TRHDE: variants seen among roughly 807,000 people sequenced by gnomAD.
The protein encoded by TRHDE is thyrotropin-releasing hormone-degrading ectoenzyme.
Under a neutral mutation model 125.7 loss-of-function variants are expected in TRHDE, and 72 were observed. The observed-to-expected ratio is 0.57, with a 90% confidence interval of 0.47 to 0.70. The LOEUF is 0.70. Ranked by LOEUF, TRHDE falls within the 30% of genes least tolerant of loss-of-function variation. The pLI is 0.00. For missense variants in TRHDE, 1,110 were observed against 1,327.1 expected (o/e 0.84, Z 2.54); for synonymous variants, 509 against 509.1 (o/e 1.00, Z 0.00).
intron 2 of TRHDE, among the ~76,000 whole-genome samples, chr12:72,186,950 A>G (rs1273250673): frequency 6.6e-6 from 1 of 152,088 alleles, no homozygotes; most frequent in African/African-American, 2.4e-5. Flanking sequence ...AGATGATAGA[A>G]ACTATCATGG....
intron 1 of TRHDE, among the ~76,000 whole-genome samples, chr12:72,105,183 G>A (rs1429680701): frequency 1.3e-5 from 2 of 152,188 alleles, no homozygotes; most frequent in African/African-American, 4.8e-5. Flanking sequence ...AGCAGTACAA[G>A]GAAGTACATG....
intron 15 of TRHDE, among the ~76,000 whole-genome samples, chr12:72,630,640 G>A (rs1053039363): frequency 1.9e-4 from 29 of 151,598 alleles, no homozygotes; most frequent in African/African-American, 6.8e-4. Context: ...GAATATCAGG[G>A]AGGTATTGCA....
At chr12:72,585,703 GA>G (rs1258091267) in intron 12 of TRHDE, among the ~76,000 whole-genome samples, 1 of 152,134 alleles carries the variant, frequency 6.6e-6, no homozygotes, top group Non-Finnish European at 1.5e-5. Context: ...TATTCTACCA[GA>G]AAAGAAAATG....
intron 3 of TRHDE, among the ~76,000 whole-genome samples, chr12:72,423,460 C>T (rs1874049043): frequency 6.6e-6 from 1 of 152,128 alleles, no homozygotes; most frequent in African/African-American, 2.4e-5. Context: ...TGTGGATTTT[C>T]TGATTCCCAC....
intron 10 of TRHDE, among the ~76,000 whole-genome samples, chr12:72,574,010 T>C (rs751112824): frequency 4.6e-5 from 7 of 152,044 alleles, no homozygotes; most frequent in Non-Finnish European, 7.4e-5. Context: ...TTACTGCAGA[T>C]TTAAAAAAAT....
At chr12:72,378,155 C>T (rs764113718) in intron 3 of TRHDE, 34 bp downstream of exon 3, 11 of 1,534,848 alleles carry the variant, frequency 7.2e-6, no homozygotes, top group South Asian at 5.3e-5. Flanking sequence ...ATTGGAAGGG[C>T]TCCTTGAAAG....
At chr12:72,261,196 A>G (rs1329127496) in intron 2 of TRHDE, among the ~76,000 whole-genome samples, 1 of 152,194 alleles carries the variant, frequency 6.6e-6, no homozygotes, top group East Asian at 1.9e-4. Context: ...TAAAGTGCTT[A>G]CCAGTTGTAT....
intron 1 of TRHDE, chr12:72,274,541 T>C (rs1426597039): frequency 6.6e-6 from 1 of 152,190 alleles, no homozygotes; most frequent in African/African-American, 2.4e-5. Flanking sequence ...CTACTTCTAG[T>C]GCTTATTGCA....
chr12:72,423,576 G>A (rs973023212), intron 3 of TRHDE, among the ~76,000 whole-genome samples: 4 of 152,140 alleles, frequency 2.6e-5, no homozygotes, highest in Admixed American at 2.6e-4. Context: ...TTTAATTCAT[G>A]GATTGTTGTA....
At chr12:72,338,966 C>T (rs12831103) in intron 2 of TRHDE, among the ~76,000 whole-genome samples, 1 of 151,982 alleles carries the variant, frequency 6.6e-6, no homozygotes, top group Non-Finnish European at 1.5e-5. Flanking sequence ...TAAAGTAAAC[C>T]AATTCAGTTT....
Position 72,208,718 on chromosome 12 carries a change from G to A in TRHDE, n.279+102966G>A, listed in dbSNP as rs746592934. 5.9e-5 allele frequency among the ~76,000 whole-genome samples: 9 copies of A among 152,090 alleles called. 1 individual carries two copies. Among genetic ancestry groups the A allele is most frequent in the South Asian group, 4.2e-4 (2 of 4,814 alleles). ...TATATGCAAAGTACTTATGAAGGGC[G>A]ATATACTTATTGACTGTTATTAATT... On this transcript the variant is annotated intron_variant and non_coding_transcript_variant, in intron 2 of 4. Transcript: ENST00000548156.
At chr12:72,371,782 A>G (rs1241879258) in intron 2 of TRHDE, among the ~76,000 whole-genome samples, 1 of 152,094 alleles carries the variant, frequency 6.6e-6, no homozygotes, top group Non-Finnish European at 1.5e-5. Context: ...TTCTTAATCC[A>G]ATCTATCATT....
rs1218483524 is a variant in TRHDE, at chr12:72,473,061, C to T, written c.1471-6C>T. On this transcript the variant is annotated splice_region_variant and splice_polypyrimidine_tract_variant and intron_variant, in intron 4 of 18. Coordinates refer to ENST00000261180, the MANE Select transcript of TRHDE (RefSeq NM_013381.3). ...TATTTGATGACCATTAATTTTGTTACTGCAGTGGTTTGGTGACCTTGTGAC... is the reference window on the plus strand; with the variant it reads ...TATTTGATGACCATTAATTTTGTTATTGCAGTGGTTTGGTGACCTTGTGAC... 3 of 1,608,354 alleles carry T rather than the reference C, an allele frequency of 1.9e-6. No homozygotes were observed. The highest frequency in any genetic ancestry group is 2.6e-6 in the Non-Finnish European group (3 of 1,175,334).
chr12:72,600,394 A>G (rs560000048), intron 12 of TRHDE, among the ~76,000 whole-genome samples: 2 of 152,076 alleles, frequency 1.3e-5, no homozygotes, highest in African/African-American at 4.8e-5. Flanking sequence ...TGAACATGGA[A>G]TGTTTTTCCA....
At chr12:72,159,229 T>C (rs1876582955) in intron 2 of TRHDE, among the ~76,000 whole-genome samples, 1 of 152,230 alleles carries the variant, frequency 6.6e-6, no homozygotes, top group Non-Finnish European at 1.5e-5. Context: ...AGAAAGTTAC[T>C]GATAATTAAC....
chr12:72,288,518 A>G (rs1172524784), intron 2 of TRHDE, among the ~76,000 whole-genome samples: 1 of 152,140 alleles, frequency 6.6e-6, no homozygotes, highest in Non-Finnish European at 1.5e-5. Flanking sequence ...TCTGATGTTC[A>G]TTGATGTCTT....
chr12:72,120,059 C>CTT (rs778190880), intron 2 of TRHDE, among the ~76,000 whole-genome samples: 5 of 145,100 alleles, frequency 3.4e-5, no homozygotes, highest in African/African-American at 5.0e-5. Context: ...TTTCTCTTCT[C>CTT]TTTTTTTTTT....
At chr12:72,318,918 T>C (rs992533474) in intron 2 of TRHDE, among the ~76,000 whole-genome samples, 2 of 151,928 alleles carry the variant, frequency 1.3e-5, no homozygotes, top group Admixed American at 6.6e-5. Context: ...AGAGAAATCA[T>C]TGGTAGGATG....
At chr12:72,556,696 G>A (rs75370010) in intron 7 of TRHDE, among the ~76,000 whole-genome samples, 3,074 of 152,210 alleles carry the variant, frequency 0.02, 116 homozygotes, top group African/African-American at 0.07. Flanking sequence ...GATTGCCCCC[G>A]TATAAAACTG....
Sources: gnomAD v4.1 joint callset for allele counts (sites outside exome capture counted in the v4.1 genomes callset) on GRCh38, gnomAD v4.1.1 for gene constraint, MANE v1.5 for transcripts, NCBI Gene and HGNC (gene_info 2026-07-23, HGNC 2026-07-21) for gene names.